ZNF423: variants seen among roughly 807,000 people sequenced by gnomAD.
The protein encoded by ZNF423 is zinc finger protein 423.
In ZNF423, 12 loss-of-function variants were observed where a neutral mutation model predicts 95.8. That is an observed-to-expected ratio of 0.13 (90% CI 0.08 to 0.20). ZNF423 has a LOEUF of 0.20. ZNF423 is among the 10% of genes least tolerant of loss of function. The probability of loss-of-function intolerance (pLI) is 1.00; values close to 1 mark genes in which losing one functional copy is unlikely to be tolerated. For synonymous variants in ZNF423, 749 were observed against 711.9 expected, an observed-to-expected ratio of 1.05 and a Z score of -0.83; for missense variants, 1,316 against 1,737.1, an observed-to-expected ratio of 0.76 and a Z score of 4.31.
intron 3 of ZNF423, among the ~76,000 whole-genome samples, chr16:49,722,021 G>A (rs1448946263): frequency 6.6e-6 from 1 of 152,162 alleles, no homozygotes; most frequent in African/African-American, 2.4e-5. Context: ...TTCGCAGGCG[G>A]TGAATAAAAA....
chr16:49,829,695 T>C (rs2035042251), intron 1 of ZNF423, among the ~76,000 whole-genome samples: 1 of 152,040 alleles, frequency 6.6e-6, no homozygotes, highest in Non-Finnish European at 1.5e-5. Flanking sequence ...AAGTGGCCCT[T>C]GGAGAAGCCC....
chr16:49,576,188 C>T (rs1182889552), intron 5 of ZNF423, among the ~76,000 whole-genome samples: 2 of 152,240 alleles, frequency 1.3e-5, no homozygotes, highest in African/African-American at 4.8e-5. Context: ...CATCATATTT[C>T]CTGCTGCCCG....
intron 3 of ZNF423, among the ~76,000 whole-genome samples, chr16:49,696,571 G>A (rs1241688341): frequency 6.6e-6 from 1 of 152,160 alleles, no homozygotes; most frequent in Non-Finnish European, 1.5e-5. Flanking sequence ...CTCTCCCCTA[G>A]CCCCTTTGAA....
chr16:49,657,185 C>T (rs955879829), intron 3 of ZNF423, among the ~76,000 whole-genome samples: 1 of 152,220 alleles, frequency 6.6e-6, no homozygotes, highest in Admixed American at 6.5e-5. Context: ...CTTCCACAGA[C>T]AAGCGGCACA....
rs202019319 is a variant in ZNF423 at position 49,843,394 on chromosome 16, C to CTGCA, written c.40+12337_40+12340dup. ...CTAGACTAATGGTTCCTAACCCTGG[C>CTGCA]TGCACATTCCAATTACCCCCATCCT... On this transcript the variant is annotated intron_variant, in intron 1 of 7. Coordinates refer to ENST00000563137, the MANE Select transcript of ZNF423 (RefSeq NM_001379286.1). Among the ~76,000 whole-genome samples, 971 of 152,286 alleles carry CTGCA rather than the reference C, an allele frequency of 6.4e-3. 6 individuals are homozygous for CTGCA. Among genetic ancestry groups the CTGCA allele is most frequent in the African/African-American group, 0.023 (948 of 41,560 alleles).
rs75112887 is a variant in ZNF423, at chr16:49,727,704, G to A, written c.301+3067C>T. Among the ~76,000 whole-genome samples the A allele has an allele frequency of 3.2e-4, 48 of 152,292 alleles. 1 individual carries two copies. The East Asian group carries it at 9.3e-3, about 30-fold the overall frequency. Reference sequence around the variant, plus strand: ...CCAGCAGCAACAGTCCCTATGAAGGGGAGGGTTGTTCACACCCCAGGTCAC... The same window carrying A: ...CCAGCAGCAACAGTCCCTATGAAGGAGAGGGTTGTTCACACCCCAGGTCAC... On this transcript the variant is annotated intron_variant, in intron 3 of 7. Transcript: ENST00000563137.
At chr16:49,601,816 T>G (rs1207369409) in intron 5 of ZNF423, among the ~76,000 whole-genome samples, 1 of 152,188 alleles carries the variant, frequency 6.6e-6, no homozygotes, top group Non-Finnish European at 1.5e-5. Context: ...CCTGCCTGTC[T>G]TCCTAGAGGA....
At chr16:49,522,347 C>T (rs1293292645) in intron 7 of ZNF423, among the ~76,000 whole-genome samples, 1 of 152,160 alleles carries the variant, frequency 6.6e-6, no homozygotes, top group Non-Finnish European at 1.5e-5. Context: ...GCTTGAAGTG[C>T]TGGTAGAGAA....
chr16:49,553,214 G>A (rs1969703655), intron 5 of ZNF423, among the ~76,000 whole-genome samples: 1 of 152,214 alleles, frequency 6.6e-6, no homozygotes, highest in Admixed American at 6.5e-5. Flanking sequence ...AGGGATGTTA[G>A]AAGGGTTAGA....
chr16:49,620,662 C>T (rs1331030096), intron 5 of ZNF423, among the ~76,000 whole-genome samples: 3 of 152,140 alleles, frequency 2.0e-5, no homozygotes, highest in African/African-American at 4.8e-5. Flanking sequence ...GGGGCTCCCC[C>T]AAGGGGCCCG....
chr16:49,665,429 G>A (rs919625789), intron 3 of ZNF423, among the ~76,000 whole-genome samples: 1 of 152,128 alleles, frequency 6.6e-6, no homozygotes, highest in East Asian at 1.9e-4. Context: ...TGTGGGGCCT[G>A]GGGGGAGAAC....
intron 2 of ZNF423, among the ~76,000 whole-genome samples, chr16:49,788,276 C>T (rs999889153): frequency 2.6e-5 from 4 of 152,328 alleles, no homozygotes; most frequent in South Asian, 4.1e-4. Flanking sequence ...GGAAAGGACA[C>T]GGAACCAGGG....
chr16:49,671,424 C>T (rs931468406), intron 3 of ZNF423, among the ~76,000 whole-genome samples: 4 of 152,232 alleles, frequency 2.6e-5, no homozygotes, highest in East Asian at 1.9e-4. Context: ...CCCAAGCACG[C>T]GTCCACCCGC....
intron 5 of ZNF423, among the ~76,000 whole-genome samples, chr16:49,557,158 G>T (rs745875319): frequency 1.3e-5 from 2 of 152,242 alleles, no homozygotes; most frequent in African/African-American, 4.8e-5. Flanking sequence ...TGACCAGGGC[G>T]TGCAGGGCGG....
intron 3 of ZNF423, among the ~76,000 whole-genome samples, chr16:49,709,168 T>TTATATATACATA (rs1555475502): frequency 3.2e-5 from 3 of 93,420 alleles, no homozygotes; most frequent in Admixed American, 2.1e-4. Flanking sequence ...CAGCAGCCGT[T>TTATATATACATA]TATATATATA....
chr16:49,815,881 A>AATATAT (rs1169322824), intron 1 of ZNF423, among the ~76,000 whole-genome samples: 16 of 47,598 alleles, frequency 3.4e-4, no homozygotes, highest in African/African-American at 4.0e-4. Flanking sequence ...AAAAAAAAAA[A>AATATAT]ATATATATAT....
intron 3 of ZNF423, among the ~76,000 whole-genome samples, chr16:49,719,220 G>A (rs529362066): frequency 3.9e-5 from 6 of 152,300 alleles, no homozygotes; most frequent in Non-Finnish European, 8.8e-5. Context: ...AGAGGATAAG[G>A]AGGGCAGGAA....
intron 3 of ZNF423, among the ~76,000 whole-genome samples, chr16:49,701,239 C>T (rs2032171156): frequency 6.6e-6 from 1 of 152,166 alleles, no homozygotes; most frequent in African/African-American, 2.4e-5. Context: ...GGTATATGCA[C>T]GTGTGCGTGC....
intron 1 of ZNF423, among the ~76,000 whole-genome samples, chr16:49,828,560 A>T (rs534152785): frequency 6.6e-6 from 1 of 152,162 alleles, no homozygotes; most frequent in African/African-American, 2.4e-5. Context: ...CCTAGAAAAG[A>T]CTCCGCCAGC....
Sources: gnomAD v4.1 joint callset for allele counts (sites outside exome capture counted in the v4.1 genomes callset) on GRCh38, gnomAD v4.1.1 for gene constraint, MANE v1.5 for transcripts, NCBI Gene and HGNC (gene_info 2026-07-23, HGNC 2026-07-21) for gene names.